The following ATP9B variants were observed in gnomAD, a reference collection of about 807,000 sequenced individuals.
ATP9B encodes the protein ATPase phospholipid transporting 9B, also known as probable phospholipid-transporting ATPase IIB.
ATP9B carries 110 observed loss-of-function variants against 146.1 expected under a neutral mutation model. The observed-to-expected ratio is 0.75, with a 90% CI of 0.65 to 0.88. ATP9B has a LOEUF of 0.88. Ranked by LOEUF, ATP9B falls within the 40% of genes least tolerant of loss-of-function variation. ATP9B has a pLI of 0.00. For synonymous variants in ATP9B, 604 were observed against 569.7 expected (o/e 1.06, Z -0.86); for missense variants, 1,499 against 1,496.4 (o/e 1.00, Z -0.03).
intron 15 of ATP9B, among the ~76,000 whole-genome samples, chr18:79,310,939 T>C (rs571543550): frequency 6.6e-6 from 1 of 151,838 alleles, no homozygotes; most frequent in East Asian, 1.9e-4. Flanking sequence ...TCACCTGAGG[T>C]CAGGAGTTTG....
At chr18:79,088,192 A>T (rs2074003753) in intron 1 of ATP9B, among the ~76,000 whole-genome samples, 1 of 152,248 alleles carries the variant, frequency 6.6e-6, no homozygotes, top group African/African-American at 2.4e-5. Flanking sequence ...CTTATCTTTC[A>T]GAACTCGTTG....
At chr18:79,193,395 A>G in intron 9 of ATP9B, 132 bp downstream of exon 9, 1 of 735,776 alleles carries the variant, frequency 1.4e-6, no homozygotes, top group Non-Finnish European at 2.2e-6. Context: ...AACCTATATA[A>G]TGTTTGAAGT....
chr18:79,312,575 T>TA (rs1273424145), intron 15 of ATP9B, among the ~76,000 whole-genome samples: 7 of 152,198 alleles, frequency 4.6e-5, no homozygotes, highest in African/African-American at 1.7e-4. Flanking sequence ...TTATCTTCCT[T>TA]ACGCCACATC....
intron 9 of ATP9B, among the ~76,000 whole-genome samples, chr18:79,204,856 T>C (rs1008188650): frequency 1.3e-5 from 2 of 152,222 alleles, no homozygotes; most frequent in Non-Finnish European, 2.9e-5. Flanking sequence ...GAGATCATAT[T>C]GTAGATGACG....
chr18:79,323,734 C>T (rs975981972), intron 15 of ATP9B, among the ~76,000 whole-genome samples: 4 of 152,216 alleles, frequency 2.6e-5, no homozygotes, highest in African/African-American at 7.2e-5. Context: ...GATTCCATAA[C>T]GTGGCCACTG....
At chr18:79,335,094 C>G (rs765808537) in intron 17 of ATP9B, among the ~76,000 whole-genome samples, 24 of 149,584 alleles carry the variant, frequency 1.6e-4, no homozygotes, top group Non-Finnish European at 3.1e-4. Flanking sequence ...GGAAATGGCA[C>G]AGAAAGCGCA....
chr18:79,190,547 T>TAC (rs1568366447), intron 8 of ATP9B, among the ~76,000 whole-genome samples: 16 of 102,396 alleles, frequency 1.6e-4, no homozygotes, highest in South Asian at 4.9e-4. Flanking sequence ...CACACACACA[T>TAC]ATACATATAT....
chr18:79,276,645 T>G (rs528506098), intron 12 of ATP9B, among the ~76,000 whole-genome samples: 1 of 152,328 alleles, frequency 6.6e-6, no homozygotes, highest in African/African-American at 2.4e-5. Context: ...CAACAGTCTG[T>G]TTTTCTGTCC....
chr18:79,216,104 C>A (rs1357723198), intron 11 of ATP9B, among the ~76,000 whole-genome samples: 1 of 152,082 alleles, frequency 6.6e-6, no homozygotes, highest in Non-Finnish European at 1.5e-5. Flanking sequence ...AATTTAAAAT[C>A]TTTAAAGCTA....
chr18:79,259,458 C>A (rs1282064043), intron 12 of ATP9B, among the ~76,000 whole-genome samples: 2 of 152,160 alleles, frequency 1.3e-5, no homozygotes, highest in Non-Finnish European at 2.9e-5. Context: ...GTGCTAGAGG[C>A]AGAATGTTGT....
intron 15 of ATP9B, among the ~76,000 whole-genome samples, chr18:79,318,473 A>G (rs562000636): frequency 1.1e-4 from 17 of 152,352 alleles, no homozygotes; most frequent in African/African-American, 3.8e-4. Context: ...GTACTTCTCA[A>G]AACTGTGGAG....
intron 12 of ATP9B, among the ~76,000 whole-genome samples, chr18:79,257,021 C>T (rs915337344): frequency 4.6e-5 from 7 of 152,110 alleles, no homozygotes; most frequent in South Asian, 2.1e-4. Flanking sequence ...TTATCTTGGC[C>T]GGGCGCAGGG....
intron 5 of ATP9B, among the ~76,000 whole-genome samples, chr18:79,139,441 A>G (rs1369421951): frequency 6.6e-6 from 1 of 152,228 alleles, no homozygotes; most frequent in Admixed American, 6.5e-5. Context: ...GTGGCACGTC[A>G]GCTACTACAT....
intron 5 of ATP9B, among the ~76,000 whole-genome samples, chr18:79,129,196 C>T (rs947261170): frequency 6.6e-6 from 1 of 152,054 alleles, no homozygotes; most frequent in African/African-American, 2.4e-5. Context: ...GACAGTCAAG[C>T]CAGATAGTAG....
Position 79,337,463 on chromosome 18 carries a change from A to G in ATP9B, c.2283+14A>G, listed in dbSNP as rs755362417. 1 of 1,603,408 alleles carries G rather than the reference A, an allele frequency of 6.2e-7. No individual in the cohort carries two copies. Among genetic ancestry groups the G allele is most frequent in the South Asian group, 1.1e-5 (1 of 90,620 alleles). ...GCCGGGATCAAGGTACTGCAGGCTC[A>G]CCTCTGCTGGCGCGCGCTGCTTTTG... On this transcript the variant is annotated intron_variant, in intron 19 of 29. Transcript: ENST00000426216.
At chr18:79,144,309 T>G (rs1188977976) in intron 6 of ATP9B, 1 of 152,414 alleles carries the variant, frequency 6.6e-6, no homozygotes, top group Non-Finnish European at 1.5e-5. Context: ...TATGCATCAA[T>G]AAATCCTCTG....
chr18:79,202,680 T>TA (rs1157040477), intron 9 of ATP9B, among the ~76,000 whole-genome samples: 3 of 152,224 alleles, frequency 2.0e-5, no homozygotes, highest in African/African-American at 4.8e-5. Flanking sequence ...ATGAGACTGG[T>TA]AAAAAACTAT....
chr18:79,113,232 C>A lies in ATP9B; in HGVS notation c.445-9C>A. 1.4e-6 allele frequency: 2 copies of A among 1,480,800 alleles called. No homozygotes were observed. Among genetic ancestry groups the A allele is most frequent in the Non-Finnish European group, 9.2e-7 (1 of 1,085,024 alleles). 91.7% of individuals were successfully genotyped at this position (1,480,800 alleles called of 1,614,324 possible). A position where few individuals can be genotyped will look rare whatever the true frequency, so the allele number is the denominator to read the frequency against. On this transcript the variant is annotated splice_polypyrimidine_tract_variant and intron_variant, in intron 3 of 29. Coordinates refer to ENST00000426216, the MANE Select transcript of ATP9B (RefSeq NM_198531.5). The stretch of plus-strand genomic sequence containing the variant: ...AGGAATTTTGTTAATTTTCTCTTTT[C>A]CTTTTTAGGTTTTGTATGAACAATT...
intron 8 of ATP9B, among the ~76,000 whole-genome samples, chr18:79,180,999 C>T (rs908866990): frequency 6.7e-6 from 1 of 149,836 alleles, no homozygotes; most frequent in African/African-American, 2.5e-5. Flanking sequence ...TAAGTGGAGA[C>T]GGGGTTTCAC....
Sources: allele counts gnomAD v4.1 joint callset (sites outside exome capture counted in the v4.1 genomes callset), GRCh38; gene constraint gnomAD v4.1.1; transcripts MANE v1.5; gene names NCBI Gene and HGNC (gene_info 2026-07-23, HGNC 2026-07-21).